The following PHEX variants were observed in gnomAD, a reference collection of about 807,000 sequenced individuals.
The protein encoded by PHEX is phosphate regulating endopeptidase X-linked.
Under a neutral mutation model 68.0 loss-of-function variants are expected in PHEX, and 16 were observed. The observed-to-expected ratio is 0.24, with a 90% CI of 0.16 to 0.36. The LOEUF is 0.36. Ranked by LOEUF, PHEX falls within the 10% of genes least tolerant of loss-of-function variation. PHEX has a pLI of 1.00. For missense variants in PHEX, 480 were observed against 575.5 expected, an observed-to-expected ratio of 0.83 and a Z score of 1.70; for synonymous variants, 208 against 205.1, an observed-to-expected ratio of 1.01 and a Z score of -0.12.
At chrX:22,223,170 T>C (rs947493809) in intron 18 of PHEX, among the ~76,000 whole-genome samples, 4 of 112,102 alleles carry the variant, frequency 3.6e-5, no homozygotes, top group African/African-American at 1.3e-4. Flanking sequence ...GCTTCCTTTG[T>C]GGATATAAGG....
chrX:22,166,839 C>G (rs983122929), intron 12 of PHEX, among the ~76,000 whole-genome samples: 14 of 111,635 alleles, frequency 1.3e-4, no homozygotes, highest in African/African-American at 4.6e-4. Flanking sequence ...AGTTTGACTG[C>G]TTTAAATTTC....
At chrX:22,145,615 CAA>C (rs568646535) in intron 12 of PHEX, among the ~76,000 whole-genome samples, 6 of 64,487 alleles carry the variant, frequency 9.3e-5, no homozygotes, top group Non-Finnish European at 6.1e-5. Context: ...GACTCTGTCT[CAA>C]AAAAAAAAAA....
intron 1 of PHEX, among the ~76,000 whole-genome samples, chrX:22,034,388 C>T (rs181201489): frequency 9.7e-4 from 109 of 112,251 alleles, no homozygotes; most frequent in African/African-American, 2.8e-3. Context: ...TACCACTGCA[C>T]GAAACTTTTA....
chrX:22,041,156 G>A (rs1238694845), intron 2 of PHEX, among the ~76,000 whole-genome samples: 1 of 107,894 alleles, frequency 9.3e-6, no homozygotes, highest in Non-Finnish European at 1.9e-5. Flanking sequence ...AGGTGAAAGA[G>A]CTTGTAAATT....
chrX:22,217,461 A>G (rs1291640910), intron 16 of PHEX, among the ~76,000 whole-genome samples: 1 of 112,415 alleles, frequency 8.9e-6, no homozygotes, highest in Non-Finnish European at 1.9e-5. Context: ...ACAAACAGTT[A>G]GCATGGTAAG....
chrX:22,033,094 C>T lies in PHEX; in HGVS notation c.89C>T (p.Thr30Ile). 2 of 1,206,857 alleles carry T rather than the reference C, an allele frequency of 1.7e-6. No individual in the cohort carries two copies. The highest frequency in any genetic ancestry group is 3.0e-5 in the East Asian group (1 of 33,819). ...GCCCTGGTCGTGTTTGTCGGTGGCA[C>T]CCTAGTTCTGGGCACGATCCTCTTT... ...RIALVVFVGG[T>I]LVLGTILFLV... Residue 30 changes from threonine to isoleucine, a missense_variant, in exon 1 of 22, where the codon ACC (threonine) becomes ATC (isoleucine). Physicochemically the swap from Thr to Ile is moderately conservative, Grantham distance 89. Transcript: ENST00000379374.
chrX:22,234,760 C>T (rs1414676166), intron 20 of PHEX, among the ~76,000 whole-genome samples: 1 of 108,262 alleles, frequency 9.2e-6, no homozygotes, highest in Non-Finnish European at 1.9e-5. Context: ...CTTTAGAACC[C>T]CTTCTGACGG....
intron 2 of PHEX, among the ~76,000 whole-genome samples, chrX:22,042,288 A>G (rs192478210): frequency 1.8e-5 from 2 of 111,648 alleles, no homozygotes; most frequent in East Asian, 5.6e-4. Flanking sequence ...AGAGCTGTGC[A>G]AAGAATGCAA....
chrX:22,091,257 G>A (rs1929869301), intron 6 of PHEX, among the ~76,000 whole-genome samples: 1 of 111,702 alleles, frequency 9.0e-6, no homozygotes, highest in Non-Finnish European at 1.9e-5. Flanking sequence ...TCACCAAAGA[G>A]GGTTGGCAAG....
intron 14 of PHEX, among the ~76,000 whole-genome samples, chrX:22,189,666 C>T (rs1449257851): frequency 1.8e-5 from 2 of 112,193 alleles, no homozygotes; most frequent in East Asian, 2.8e-4. Context: ...TAAGTACCTA[C>T]GTAATATCCT....
At chrX:22,148,917 T>G (rs1932780579) in intron 12 of PHEX, among the ~76,000 whole-genome samples, 1 of 111,688 alleles carries the variant, frequency 9.0e-6, no homozygotes, top group Non-Finnish European at 1.9e-5. Flanking sequence ...GGGGAAAGGA[T>G]TCAGCCTTGG....
intron 3 of PHEX, among the ~76,000 whole-genome samples, chrX:22,048,344 C>T (rs187779684): frequency 9.0e-6 from 1 of 111,035 alleles, no homozygotes; most frequent in Admixed American, 9.7e-5. Context: ...TAAATAAGAC[C>T]TTGAGGAGTG....
intron 6 of PHEX, among the ~76,000 whole-genome samples, chrX:22,091,927 A>T (rs1401077565): frequency 8.9e-6 from 1 of 111,756 alleles, no homozygotes; most frequent in African/African-American, 3.3e-5. Context: ...AAGCCATCAG[A>T]TCTCATGAGA....
chrX:22,098,832 ATAGG>A (rs1930280509), intron 8 of PHEX, among the ~76,000 whole-genome samples, 170 bp from the exon 9 acceptor site: 1 of 103,039 alleles, frequency 9.7e-6, no homozygotes, highest in Non-Finnish European at 2.0e-5. Context: ...AAAAAAGACA[ATAGG>A]TCTGGATGGC....
At chrX:22,174,043 T>C (rs1933623439) in intron 13 of PHEX, among the ~76,000 whole-genome samples, 1 of 112,100 alleles carries the variant, frequency 8.9e-6, no homozygotes, top group African/African-American at 3.2e-5. Flanking sequence ...GTAATAACTT[T>C]ATTCTTCCAT....
At chrX:22,044,351 T>C (rs1927415831) in intron 2 of PHEX, among the ~76,000 whole-genome samples, 1 of 111,275 alleles carries the variant, frequency 9.0e-6, no homozygotes, top group Admixed American at 9.6e-5. Flanking sequence ...TAACTATAAA[T>C]ACCAACCAAA....
intron 11 of PHEX, among the ~76,000 whole-genome samples, chrX:22,115,165 TAAA>T (rs1328833103): frequency 9.0e-6 from 1 of 110,563 alleles, no homozygotes; most frequent in Non-Finnish European, 1.9e-5. Context: ...CCATCTCTAC[TAAA>T]AAAAATACAA....
intron 10 of PHEX, among the ~76,000 whole-genome samples, chrX:22,112,519 T>A (rs953473653): frequency 8.9e-6 from 1 of 112,248 alleles, no homozygotes. Context: ...TTAGAGGAAC[T>A]AATAAGTATA....
At chrX:22,106,476 A>G (rs749665754) in intron 9 of PHEX, among the ~76,000 whole-genome samples, 2 of 111,541 alleles carry the variant, frequency 1.8e-5, no homozygotes, top group East Asian at 2.8e-4. Context: ...ATCTTAGCTA[A>G]ATTAGAGGCT....
Sources: gnomAD v4.1 joint callset for allele counts (sites outside exome capture counted in the v4.1 genomes callset) on GRCh38, gnomAD v4.1.1 for gene constraint, MANE v1.5 for transcripts, NCBI Gene and HGNC (gene_info 2026-07-23, HGNC 2026-07-21) for gene names.